The following ITGB3BP variants were observed in gnomAD, a reference collection of about 807,000 sequenced individuals.
The protein encoded by ITGB3BP is centromere protein R.
A neutral mutation model predicts 29.1 loss-of-function variants in ITGB3BP; 27 were observed. That is an observed-to-expected ratio of 0.93 (90% CI 0.68 to 1.28). ITGB3BP has a LOEUF of 1.28. ITGB3BP is among the 50% of genes most tolerant of loss of function. ITGB3BP has a pLI of 0.00. For missense variants in ITGB3BP, 192 were observed against 200.2 expected (o/e 0.96, Z 0.25); for synonymous variants, 61 against 61.4 (o/e 0.99, Z 0.03).
intron 2 of ITGB3BP, among the ~76,000 whole-genome samples, chr1:63,494,407 C>A (rs1300172280): frequency 6.6e-6 from 1 of 152,174 alleles, no homozygotes; most frequent in Non-Finnish European, 1.5e-5. Context: ...GTGTGAGATA[C>A]CACAACCAAC....
intron 2 of ITGB3BP, among the ~76,000 whole-genome samples, chr1:63,491,382 A>G (rs1162776995): frequency 6.6e-6 from 1 of 152,204 alleles, no homozygotes; most frequent in Non-Finnish European, 1.5e-5. Context: ...AATTCAGAGA[A>G]GAGGAAAAAT....
upstream of ITGB3BP, chr1:63,527,970 A>G (rs542537863): frequency 1.1e-4 from 17 of 152,292 alleles, no homozygotes; most frequent in Admixed American, 3.3e-4. Context: ...ACCCTCTTAC[A>G]CTGTTGGTAG....
chr1:63,485,951 G>T (rs1023950155), intron 3 of ITGB3BP, among the ~76,000 whole-genome samples: 5 of 151,808 alleles, frequency 3.3e-5, no homozygotes, highest in African/African-American at 1.2e-4. Flanking sequence ...ACTCTAATTT[G>T]CAAATTCTTA....
At chr1:63,518,428 A>G (rs772566899) in intron 1 of ITGB3BP, among the ~76,000 whole-genome samples, 5 of 152,138 alleles carry the variant, frequency 3.3e-5, no homozygotes, top group Admixed American at 6.5e-5. Context: ...ACCTCTTTCA[A>G]TATCTATAGC....
At chr1:63,525,351 G>C (rs1202043320), upstream of ITGB3BP, among the ~76,000 whole-genome samples, 1 of 151,922 alleles carries the variant, frequency 6.6e-6, no homozygotes, top group African/African-American at 2.4e-5. Flanking sequence ...ACTGCCAAAG[G>C]CTTATTCTTG....
chr1:63,525,599 A>C, upstream of ITGB3BP: 2 of 1,569,858 alleles, frequency 1.3e-6, no homozygotes, highest in Non-Finnish European at 1.7e-6. Flanking sequence ...GAAGCGATGC[A>C]ACTTTCTCCA....
chr1:63,483,696 A>G (rs926861350), intron 3 of ITGB3BP, among the ~76,000 whole-genome samples: 1 of 152,216 alleles, frequency 6.6e-6, no homozygotes, highest in Non-Finnish European at 1.5e-5. Context: ...CATGAGCAGT[A>G]TAACAACATT....
chr1:63,454,996 A>C lies in ITGB3BP; in HGVS notation c.255-28T>G, dbSNP rs867952407. ...AGTAATAAAGAAAAAGACAATACTT[A>C]GCAAGGGGAAGCATTTAAACATGGC... On this transcript the variant is annotated intron_variant, in intron 4 of 8. Transcript: ENST00000271002. This position sits in a 1 kb window ranked among gnomAD's most constrained non-coding sequence, Gnocchi z 4.1. The C allele has an allele frequency of 9.3e-7, 1 of 1,073,850 alleles. No individual in the cohort carries two copies. Among genetic ancestry groups the C allele is most frequent in the Middle Eastern group, 2.1e-4 (1 of 4,698 alleles). 66.5% of individuals were successfully genotyped at this position (1,073,850 alleles called of 1,614,324 possible).
chr1:63,478,345 C>T (rs527921477), intron 4 of ITGB3BP, among the ~76,000 whole-genome samples: 7 of 152,306 alleles, frequency 4.6e-5, no homozygotes, highest in African/African-American at 1.2e-4. Context: ...TGATTGGTTG[C>T]TCGCATGTAG....
intron 2 of ITGB3BP, among the ~76,000 whole-genome samples, chr1:63,504,752 A>G (rs1349517700): frequency 6.6e-6 from 1 of 152,110 alleles, no homozygotes; most frequent in Non-Finnish European, 1.5e-5. Flanking sequence ...GGCCTTTTCC[A>G]CATCTATTGA....
intron 7 of ITGB3BP, among the ~76,000 whole-genome samples, chr1:63,450,618 C>T (rs1442760950): frequency 6.6e-6 from 1 of 151,948 alleles, no homozygotes; most frequent in African/African-American, 2.4e-5. Flanking sequence ...TGTCTTAAGT[C>T]TTCAGCATAA....
chr1:63,450,166 G>C, intron 7 of ITGB3BP, among the ~76,000 whole-genome samples: 1 of 151,844 alleles, frequency 6.6e-6, no homozygotes, highest in East Asian at 1.9e-4. Flanking sequence ...TTTTAAAACA[G>C]ACCAAAGTTG....
rs1353656475 is a variant in ITGB3BP at position 63,454,393 on chromosome 1, T to A, written c.414A>T (p.Lys138Asn). The change falls in exon 6 of 9, where the codon AAA (lysine) becomes AAT (asparagine). Residue 138 changes from lysine to asparagine, a missense_variant. Lys to Asn is a moderately conservative substitution (Grantham distance 94). Transcript: ENST00000271002. This position sits in a 1 kb window ranked among gnomAD's most constrained non-coding sequence, Gnocchi z 4.1. Reference protein sequence around the residue: ...ASHFLKREMQKTKELMTKVNK... With the variant: ...ASHFLKREMQNTKELMTKVNK... Reference sequence around the variant, plus strand: ...AAAAATTCTTACTTAGTTCTTTGGTTTTCTGCATTTCTCTTTTTAAGAAAT... The same window carrying A: ...AAAAATTCTTACTTAGTTCTTTGGTATTCTGCATTTCTCTTTTTAAGAAAT... The A allele has an allele frequency of 6.3e-7, 1 of 1,579,582 alleles. No homozygotes were observed. The highest frequency in any genetic ancestry group is 1.1e-5 in the South Asian group (1 of 88,626).
chr1:63,516,366 A>AG (rs71052487), intron 1 of ITGB3BP, among the ~76,000 whole-genome samples: 11,079 of 66,476 alleles, frequency 0.17, 823 homozygotes, highest in Middle Eastern at 0.34. Flanking sequence ...GTGGGGGAGA[A>AG]GGGGGGGGGA....
chr1:63,491,147 T>A (rs774076507), intron 2 of ITGB3BP, among the ~76,000 whole-genome samples: 1 of 152,182 alleles, frequency 6.6e-6, no homozygotes, highest in Non-Finnish European at 1.5e-5. Context: ...TAGGTCCTCA[T>A]TCATGATCCC....
chr1:63,492,999 T>C (rs1187142847), intron 2 of ITGB3BP, among the ~76,000 whole-genome samples: 1 of 151,716 alleles, frequency 6.6e-6, no homozygotes, highest in East Asian at 1.9e-4. Context: ...TGGTCCCAGC[T>C]ACTCTGGAGG....
At position 63,523,178 on chromosome 1, in the gene ITGB3BP, C is replaced by T. The variant is rs747604813; in HGVS notation, c.-45G>A. 1.2e-6 allele frequency: 2 copies of T among 1,613,180 alleles called. No homozygotes were observed. The highest frequency in any genetic ancestry group is 1.7e-6 in the Non-Finnish European group (2 of 1,179,828). On this transcript the variant is annotated 5_prime_UTR_variant, in exon 1 of 9. Coordinates refer to ENST00000271002, the MANE Select transcript of ITGB3BP (RefSeq NM_014288.5). The stretch of plus-strand genomic sequence containing the variant: ...CCACTGCCGCTGAATAAAACGAACC[C>T]AGCAACTTCCGAAAACAGAAAATCC...
Position 63,454,259 on chromosome 1 carries a change from A to G in ITGB3BP, c.427+121T>C. The G allele has an allele frequency of 5.9e-6, 3 of 506,038 alleles. No individual in the cohort carries two copies. The South Asian group carries it at 1.3e-4, about 21-fold the overall frequency. The allele number at this position is 506,038 out of a possible 1,614,324, so 31.3% of individuals were successfully genotyped here. A position where few individuals can be genotyped will look rare whatever the true frequency, so the allele number is the denominator to read the frequency against. ...ATGTGGCTTCTTATTTAAAGAAGGT[A>G]ATAGTATTTTTATCACATGTCCAGT... On this transcript the variant is annotated intron_variant, in intron 6 of 8. Coordinates refer to ENST00000271002, the MANE Select transcript of ITGB3BP (RefSeq NM_014288.5). The surrounding 1 kb of genome is among the most constrained non-coding windows in gnomAD (Gnocchi z 4.1).
chr1:63,490,616 C>A (rs1337591368), intron 2 of ITGB3BP, among the ~76,000 whole-genome samples: 2 of 152,092 alleles, frequency 1.3e-5, no homozygotes, highest in South Asian at 4.1e-4. Context: ...CACACAGAAA[C>A]CTTAGGAAGG....
Sources: gnomAD v4.1 joint callset for allele counts (sites outside exome capture counted in the v4.1 genomes callset) on GRCh38, gnomAD v4.1.1 for gene constraint, Gnocchi (gnomAD v3.1) non-coding constraint, MANE v1.5 for transcripts, NCBI Gene and HGNC (gene_info 2026-07-23, HGNC 2026-07-21) for gene names.